The following PLEK variants were observed in gnomAD, a reference collection of about 807,000 sequenced individuals.
PLEK encodes platelet 47 kDa protein.
Under a neutral mutation model 43.9 loss-of-function variants are expected in PLEK, and 25 were observed. The ratio of observed to expected loss-of-function variants is 0.57; its 90% CI spans 0.41 to 0.79. The LOEUF (loss-of-function observed/expected upper bound fraction) is 0.79. PLEK is among the 30% of genes least tolerant of loss of function. The probability of loss-of-function intolerance (pLI) is 0.00; values close to 1 mark genes in which losing one functional copy is unlikely to be tolerated. For synonymous variants in PLEK, 152 were observed against 144.4 expected (o/e 1.05, Z -0.38); for missense variants, 396 against 413.3 (o/e 0.96, Z 0.36).
intron 1 of PLEK, among the ~76,000 whole-genome samples, chr2:68,368,824 A>G (rs538123985): frequency 6.6e-6 from 1 of 152,212 alleles, no homozygotes; most frequent in African/African-American, 2.4e-5. Context: ...AGGACAACCA[A>G]CCTCACAAGC....
At chr2:68,384,161 TTCTCCTTCTCC>T (rs1673690921) in intron 4 of PLEK, among the ~76,000 whole-genome samples, 1 of 8,178 alleles carries the variant, frequency 1.2e-4, no homozygotes, top group African/African-American at 1.4e-3. Flanking sequence ...CTTGTTCTCC[TTCTCCTTCTCC>T]TTCTCCTTCT....
chr2:68,369,295 G>A (rs1270334789), intron 1 of PLEK, among the ~76,000 whole-genome samples: 2 of 152,148 alleles, frequency 1.3e-5, no homozygotes, highest in Admixed American at 6.5e-5. Context: ...GTTAATAAGT[G>A]GCAGAGCTGG....
intron 5 of PLEK, chr2:68,387,880 A>G (rs1263047313): frequency 6.6e-6 from 1 of 152,642 alleles, no homozygotes; most frequent in Non-Finnish European, 1.5e-5. Context: ...GGTCTGATTC[A>G]TCATCTACTT....
At position 68,395,882 on chromosome 2, in the gene PLEK, T is replaced by G; in HGVS notation, c.*66T>G. 7.0e-7 allele frequency: 1 copy of G among 1,418,506 alleles called. No individual in the cohort carries two copies. The highest frequency in any genetic ancestry group is 1.2e-5 in the South Asian group (1 of 86,344). 87.9% of individuals were successfully genotyped at this position (1,418,506 alleles called of 1,614,324 possible). Reference sequence around the variant, plus strand: ...ATGGACAAGCTCAGTCCAGGACCTGTCCACTTCTGTGACAAATCAACGGGA... The same window carrying G: ...ATGGACAAGCTCAGTCCAGGACCTGGCCACTTCTGTGACAAATCAACGGGA... On this transcript the variant is annotated 3_prime_UTR_variant, in exon 9 of 9. Coordinates refer to ENST00000234313, the MANE Select transcript of PLEK (RefSeq NM_002664.3).
In PLEK at chr2:68,388,475, G is replaced by T. The variant is rs1673791986; in HGVS notation, c.746G>T (p.Gly249Val). The change falls in exon 6 of 9, where the codon GGA becomes GTA. Residue 249 changes from glycine to valine, a missense_variant. Gly to Val is a moderately radical substitution (Grantham distance 109, BLOSUM62 -3). Transcript: ENST00000234313. ...EEFRGVIIKQ[G>V]CLLKQGHRRK... ...TTCAGAGGGGTCATTATCAAGCAGG[G>T]ATGTTTACTGAAGCAGGTGAGTGGC... 6.3e-7 allele frequency: 1 copy of T among 1,584,936 alleles called. No individual in the cohort carries two copies. Among genetic ancestry groups the T allele is most frequent in the East Asian group, 2.2e-5 (1 of 44,768 alleles).
chr2:68,387,567 C>T (rs540401105), intron 5 of PLEK, among the ~76,000 whole-genome samples: 3 of 152,294 alleles, frequency 2.0e-5, no homozygotes, highest in Non-Finnish European at 2.9e-5. Context: ...TGCTTACCCA[C>T]GATTGGGAAA....
At chr2:68,390,439 A>T (rs1030156850) in intron 6 of PLEK, among the ~76,000 whole-genome samples, 1 of 152,196 alleles carries the variant, frequency 6.6e-6, no homozygotes, top group Non-Finnish European at 1.5e-5. Context: ...TCTTTCTTAG[A>T]AGCTTCCTTT....
chr2:68,397,113 A>G lies in PLEK; in HGVS notation c.*1297A>G, dbSNP rs1673975678. 1 of 152,180 alleles carries G rather than the reference A, an allele frequency of 6.6e-6. No individual in the cohort carries two copies. Among genetic ancestry groups the G allele is most frequent in the South Asian group, 2.1e-4 (1 of 4,828 alleles). 9.4% of individuals were successfully genotyped at this position (152,180 alleles called of 1,614,324 possible). On this transcript the variant is annotated 3_prime_UTR_variant, in exon 9 of 9. Transcript: ENST00000234313. Reference sequence around the variant, plus strand: ...TGATTCTTCTCCAAAATTGAGAAAGACAGCACCCATTGAAGCAGATATGTG... The same window carrying G: ...TGATTCTTCTCCAAAATTGAGAAAGGCAGCACCCATTGAAGCAGATATGTG...
At chr2:68,393,577 C>T (rs931040595) in intron 7 of PLEK, among the ~76,000 whole-genome samples, 1 of 152,102 alleles carries the variant, frequency 6.6e-6, no homozygotes, top group African/African-American at 2.4e-5. Context: ...GGTGATAATT[C>T]CTCATCCAGG....
intron 1 of PLEK, among the ~76,000 whole-genome samples, chr2:68,370,735 C>T (rs1176084732): frequency 6.6e-6 from 1 of 152,188 alleles, no homozygotes. Context: ...ATCCACCCGC[C>T]TTGGCCTCCC....
chr2:68,372,899 G>C (rs1248891758), intron 1 of PLEK, among the ~76,000 whole-genome samples: 1 of 152,194 alleles, frequency 6.6e-6, no homozygotes, highest in African/African-American at 2.4e-5. Context: ...AGAATCAGGA[G>C]ACATGGATTC....
chr2:68,380,566 GCTCC>G, intron 2 of PLEK, 83 bp downstream of exon 2: 1 of 1,455,800 alleles, frequency 6.9e-7, no homozygotes, highest in Non-Finnish European at 9.5e-7. Flanking sequence ...TGTGGGTGGT[GCTCC>G]TTGGGCTGGT....
intron 1 of PLEK, among the ~76,000 whole-genome samples, chr2:68,379,632 T>C (rs188755690): frequency 6.6e-6 from 1 of 152,134 alleles, no homozygotes; most frequent in Admixed American, 6.5e-5. Context: ...TCCTTTGTGG[T>C]TCTTAATGGT....
intron 1 of PLEK, among the ~76,000 whole-genome samples, chr2:68,380,029 G>A (rs1190802369): frequency 6.6e-6 from 1 of 152,134 alleles, no homozygotes; most frequent in Non-Finnish European, 1.5e-5. Context: ...CAATGAGGTG[G>A]CTAAGCTGAG....
chr2:68,393,481 T>G (rs1291100128), intron 7 of PLEK, among the ~76,000 whole-genome samples: 1 of 152,174 alleles, frequency 6.6e-6, no homozygotes, highest in Non-Finnish European at 1.5e-5. Flanking sequence ...CACTATATTA[T>G]AATTTATTTG....
chr2:68,380,392 A>G lies in PLEK; in HGVS notation c.107A>G (p.Tyr36Cys), dbSNP rs201401748. 3.2e-5 allele frequency: 52 copies of G among 1,613,582 alleles called. No homozygotes were observed. Among genetic ancestry groups the G allele is most frequent in the Middle Eastern group, 1.6e-4 (1 of 6,062 alleles). The stretch of plus-strand genomic sequence containing the variant: ...TTGTTAGAAGATGGAATTGAATTCT[A>G]TAAGAAGAAAAGTGACAACAGCCCC... Reference protein sequence around the residue: ...VVLLEDGIEFYKKKSDNSPKG... With the variant: ...VVLLEDGIEFCKKKSDNSPKG... The change falls in exon 2 of 9, where the codon TAT (tyrosine) becomes TGT (cysteine). Residue 36 changes from tyrosine to cysteine, a missense_variant. Coordinates refer to ENST00000234313, the MANE Select transcript of PLEK (RefSeq NM_002664.3).
intron 8 of PLEK, 130 bp downstream of exon 8, chr2:68,394,306 T>A: frequency 1.4e-6 from 1 of 691,680 alleles, no homozygotes; most frequent in East Asian, 2.7e-5. Context: ...GCATGGTGGC[T>A]CCCACCTGTA....
chr2:68,390,102 A>T (rs974590827), intron 6 of PLEK, among the ~76,000 whole-genome samples: 2 of 152,122 alleles, frequency 1.3e-5, no homozygotes, highest in African/African-American at 4.8e-5. Flanking sequence ...CCAGTAGGAG[A>T]CCTGGGATGG....
chr2:68,395,767 GCA>G lies in PLEK; in HGVS notation c.1007_1008del (p.Thr336ArgfsTer60). On this transcript the variant is annotated frameshift_variant, in exon 9 of 9. Coordinates refer to ENST00000234313, the MANE Select transcript of PLEK (RefSeq NM_002664.3). LOFTEE classifies it high-confidence loss of function. ...TTGCAAGCAGCCACCCCCAAGGAGC[GCA>G]CAGAGTGGATCAGAGCCATCCAGAT... The G allele has an allele frequency of 6.2e-7, 1 of 1,613,558 alleles. No homozygotes were observed. Among genetic ancestry groups the G allele is most frequent in the Non-Finnish European group, 8.5e-7 (1 of 1,179,538 alleles).
Sources: gnomAD v4.1 joint callset for allele counts (sites outside exome capture counted in the v4.1 genomes callset) on GRCh38, gnomAD v4.1.1 for gene constraint, MANE v1.5 for transcripts, NCBI Gene and HGNC (gene_info 2026-07-23, HGNC 2026-07-21) for gene names.